Variants in STARD13 observed in about 807,000 individuals in gnomAD.
The protein encoded by STARD13 is stAR-related lipid transfer protein 13.
STARD13 carries 62 observed loss-of-function variants against 106.4 expected under a neutral mutation model. The observed-to-expected ratio is 0.58, with a 90% CI of 0.48 to 0.72. STARD13 has a LOEUF of 0.72. STARD13 is among the 30% of genes least tolerant of loss of function. STARD13 has a pLI of 0.00. For missense variants in STARD13, 1,387 were observed against 1,424.0 expected (o/e 0.97, Z 0.42); for synonymous variants, 565 against 553.0 (o/e 1.02, Z -0.31).
the STARD13 span, among the ~76,000 whole-genome samples, chr13:33,541,736 C>T: frequency 6.6e-6 from 1 of 152,184 alleles, no homozygotes; most frequent in African/African-American, 2.4e-5. Flanking sequence ...TTTACCAAGG[C>T]TGAAGAAATT....
At chr13:33,654,503 A>G in the STARD13 span, among the ~76,000 whole-genome samples, 1 of 152,126 alleles carries the variant, frequency 6.6e-6, no homozygotes, top group Non-Finnish European at 1.5e-5. Context: ...GGGGGCAGGC[A>G]TCTTCTTGGG....
intron 4 of STARD13, among the ~76,000 whole-genome samples, chr13:33,134,345 T>G (rs1878764691): frequency 2.0e-5 from 3 of 152,208 alleles, no homozygotes. Context: ...TTGGGGCACA[T>G]CCAAAGCTGT....
chr13:33,496,884 A>G, the STARD13 span, among the ~76,000 whole-genome samples: 3 of 152,110 alleles, frequency 2.0e-5, no homozygotes, highest in Admixed American at 2.0e-4. Flanking sequence ...TCGTTTCTGG[A>G]TAAATTTTGG....
chr13:33,579,604 A>G, the STARD13 span, among the ~76,000 whole-genome samples: 3 of 151,052 alleles, frequency 2.0e-5, no homozygotes, highest in African/African-American at 7.3e-5. Context: ...GTAACCAAAA[A>G]CCACTTGTAC....
At chr13:33,360,479 C>T in the STARD13 span, among the ~76,000 whole-genome samples, 5 of 151,970 alleles carry the variant, frequency 3.3e-5, no homozygotes, top group African/African-American at 9.7e-5. Context: ...GCTGGGATTA[C>T]AGGCGTGAGC....
the STARD13 span, among the ~76,000 whole-genome samples, chr13:33,642,456 G>C: frequency 6.6e-6 from 1 of 152,264 alleles, no homozygotes; most frequent in Admixed American, 6.5e-5. Context: ...CAGGACGGCT[G>C]TGGGTCTGGT....
chr13:33,270,228 T>A (rs1395631734), intron 1 of STARD13, among the ~76,000 whole-genome samples: 1 of 152,080 alleles, frequency 6.6e-6, no homozygotes, highest in Non-Finnish European at 1.5e-5. Context: ...AGAGTGAGAC[T>A]CGGCCTAAAA....
chr13:33,174,803 G>C (rs1007352406), intron 1 of STARD13, among the ~76,000 whole-genome samples: 2 of 152,194 alleles, frequency 1.3e-5, no homozygotes, highest in African/African-American at 2.4e-5. Flanking sequence ...TTGCATGTCT[G>C]TTAGTGTGGT....
chr13:33,444,761 C>T, the STARD13 span, among the ~76,000 whole-genome samples: 676 of 152,152 alleles, frequency 4.4e-3, 7 homozygotes, highest in African/African-American at 0.013. Context: ...AGAGTGAGAT[C>T]CTGTCTCCAA....
rs1184565166 is a variant in STARD13 at position 33,118,075 on chromosome 13, A to G, written c.2271T>C (p.His757=). 10 of 1,614,124 alleles carry G rather than the reference A, an allele frequency of 6.2e-6. No homozygotes were observed. Among genetic ancestry groups the G allele is most frequent in the South Asian group, 1.1e-5 (1 of 91,088 alleles). The change falls in exon 8 of 14, where the codon CAT becomes CAC. Residue 757 remains histidine (H), a synonymous_variant. Transcript: ENST00000336934. ...FTNKLSETFL[H]IYQYVSKEQR... is the part of the protein sequence containing the mutation. ...ATTATTTCCACTTACACTGATAGAT[A>G]TGGAGAAAGGTCTCACTGAGCTTGT...
At chr13:33,193,026 C>A (rs1166839578) in intron 1 of STARD13, among the ~76,000 whole-genome samples, 1 of 152,152 alleles carries the variant, frequency 6.6e-6, no homozygotes, top group African/African-American at 2.4e-5. Context: ...CAAATTCTAG[C>A]CCTCATTCAT....
intron 1 of STARD13, among the ~76,000 whole-genome samples, chr13:33,226,295 T>A (rs1291752331): frequency 6.6e-6 from 1 of 152,230 alleles, no homozygotes; most frequent in African/African-American, 2.4e-5. Flanking sequence ...CATTTTTTTA[T>A]AAATAAGTTG....
Position 33,242,110 on chromosome 13 carries a change from G to A in STARD13, c.169+43360C>T, listed in dbSNP as rs186238803. Among the ~76,000 whole-genome samples the A allele has an allele frequency of 8.6e-5, 13 of 151,926 alleles. 1 individual carries two copies. The highest frequency in any genetic ancestry group is 3.3e-4 in the Admixed American group (5 of 15,276). ...GGGATCTGAGGAGTGTCTCTGCCCC[G>A]CCGCCACCCCATCTGGAAGGTGAGG... On this transcript the variant is annotated intron_variant, in intron 1 of 13. Coordinates refer to ENST00000336934, the MANE Select transcript of STARD13 (RefSeq NM_178006.4).
the STARD13 span, among the ~76,000 whole-genome samples, chr13:33,612,791 A>G: frequency 3.3e-4 from 50 of 152,314 alleles, 1 homozygote; most frequent in Admixed American, 2.6e-4. Context: ...GAGAATGGCA[A>G]ACTCCTGTGG....
At chr13:33,213,547 C>T (rs1887846200) in intron 1 of STARD13, among the ~76,000 whole-genome samples, 1 of 152,204 alleles carries the variant, frequency 6.6e-6, no homozygotes, top group South Asian at 2.1e-4. Flanking sequence ...CCTACTCTGG[C>T]TCTCTCGAGG....
the STARD13 span, chr13:33,658,281 C>T: frequency 6.6e-6 from 1 of 152,320 alleles, no homozygotes; most frequent in African/African-American, 2.4e-5. Context: ...GTTGTATGTA[C>T]ATACCGCATT....
intron 1 of STARD13, among the ~76,000 whole-genome samples, chr13:33,229,324 G>A (rs549482272): frequency 1.3e-5 from 2 of 152,184 alleles, no homozygotes; most frequent in African/African-American, 4.8e-5. Context: ...GACCAAAACC[G>A]ACCCTATGGT....
chr13:33,192,351 GGA>G (rs1257124816), intron 1 of STARD13, among the ~76,000 whole-genome samples: 1 of 152,140 alleles, frequency 6.6e-6, no homozygotes, highest in Non-Finnish European at 1.5e-5. Context: ...TTGAATTTGT[GGA>G]ATTTGTGAGA....
At chr13:33,201,327 T>G (rs1473346485) in intron 1 of STARD13, among the ~76,000 whole-genome samples, 1 of 152,214 alleles carries the variant, frequency 6.6e-6, no homozygotes, top group Non-Finnish European at 1.5e-5. Flanking sequence ...CATGGCCCCA[T>G]CAAATCCCGT....
Sources: allele counts gnomAD v4.1 joint callset (sites outside exome capture counted in the v4.1 genomes callset), GRCh38; gene constraint gnomAD v4.1.1; transcripts MANE v1.5; gene names NCBI Gene and HGNC (gene_info 2026-07-23, HGNC 2026-07-21).